Variants in PDE1C observed in about 807,000 individuals in gnomAD.
The protein encoded by PDE1C is dual specificity calcium/calmodulin-dependent 3',5'-cyclic nucleotide phosphodiesterase 1C.
A neutral mutation model predicts 93.1 loss-of-function variants in PDE1C; 62 were observed. The ratio of observed to expected loss-of-function variants is 0.67; its 90% CI spans 0.54 to 0.82. PDE1C has a LOEUF of 0.82. PDE1C is among the 40% of genes least tolerant of loss of function. The pLI is 0.00. For missense variants in PDE1C, 742 were observed against 884.6 expected (o/e 0.84, Z 2.04); for synonymous variants, 325 against 310.1 (o/e 1.05, Z -0.50).
chr7:32,258,741 T>C (rs1809986386), intron 1 of PDE1C, among the ~76,000 whole-genome samples: 1 of 152,228 alleles, frequency 6.6e-6, no homozygotes, highest in Non-Finnish European at 1.5e-5. Context: ...AACTTGATTT[T>C]GGTTAAGCTT....
intron 2 of PDE1C, among the ~76,000 whole-genome samples, chr7:31,934,356 T>C (rs1302716861): frequency 6.6e-6 from 1 of 152,206 alleles, no homozygotes; most frequent in Non-Finnish European, 1.5e-5. Context: ...TTCTTAGCCT[T>C]AGTTTATTAA....
chr7:32,239,747 C>T (rs964955644), intron 1 of PDE1C, among the ~76,000 whole-genome samples: 1 of 152,192 alleles, frequency 6.6e-6, no homozygotes, highest in Non-Finnish European at 1.5e-5. Flanking sequence ...AGAGCTCTGA[C>T]TATATTTGTA....
chr7:32,153,894 C>A (rs1240347733), intron 3 of PDE1C, among the ~76,000 whole-genome samples: 5 of 152,138 alleles, frequency 3.3e-5, no homozygotes, highest in Non-Finnish European at 5.9e-5. Flanking sequence ...TTTCCCCCCA[C>A]AACACACACA....
chr7:31,971,012 C>T (rs1810880651), intron 2 of PDE1C, among the ~76,000 whole-genome samples: 1 of 152,102 alleles, frequency 6.6e-6, no homozygotes, highest in Admixed American at 6.5e-5. Flanking sequence ...TGTGGTAGCA[C>T]ATGCCTGTAA....
intron 1 of PDE1C, among the ~76,000 whole-genome samples, chr7:32,259,871 T>C (rs1420697934): frequency 6.6e-6 from 1 of 152,120 alleles, no homozygotes; most frequent in Non-Finnish European, 1.5e-5. Flanking sequence ...CATTCACTTC[T>C]CAAAACCTCC....
intron 11 of PDE1C, among the ~76,000 whole-genome samples, chr7:31,834,548 T>C (rs745327109): frequency 2.5e-4 from 38 of 152,200 alleles, no homozygotes; most frequent in Admixed American, 9.8e-4. Context: ...GAGATCATTT[T>C]GGAGCTTTAA....
the PDE1C span, among the ~76,000 whole-genome samples, chr7:31,699,291 C>T: frequency 6.6e-6 from 1 of 152,116 alleles, no homozygotes; most frequent in Non-Finnish European, 1.5e-5. Context: ...CCCATCACAG[C>T]TCTTTTACCT....
the PDE1C span, among the ~76,000 whole-genome samples, chr7:31,667,191 G>C: frequency 1.3e-5 from 2 of 152,124 alleles, no homozygotes; most frequent in African/African-American, 4.8e-5. Context: ...TGACCTACCC[G>C]CCTATAGCTT....
chr7:31,970,819 T>C (rs1269000664), intron 2 of PDE1C, among the ~76,000 whole-genome samples: 1 of 152,294 alleles, frequency 6.6e-6, no homozygotes, highest in South Asian at 2.1e-4. Flanking sequence ...ATAATGTTTG[T>C]TTTCCATGTT....
At chr7:32,402,318 T>C (rs752081815) in intron 1 of PDE1C, among the ~76,000 whole-genome samples, 2 of 152,024 alleles carry the variant, frequency 1.3e-5, no homozygotes, top group Non-Finnish European at 2.9e-5. Context: ...ATAAGCTGCC[T>C]CTGCAAACTG....
In PDE1C at chr7:32,143,932, C is replaced by T. The variant is rs1445969710; in HGVS notation, c.308+25853G>A. Among the ~76,000 whole-genome samples, 5 of 152,146 alleles carry T rather than the reference C, an allele frequency of 3.3e-5. No individual in the cohort carries two copies. The South Asian group carries it at 8.3e-4, about 25-fold the overall frequency. ...TGTGTGACCCCACGCTACAAGAGCA[C>T]GCATTCTGCCCAGGTAGGGTGGGAA... On this transcript the variant is annotated intron_variant, in intron 3 of 18. Coordinates refer to the PDE1C transcript ENST00000396193.
intron 2 of PDE1C, among the ~76,000 whole-genome samples, chr7:32,203,058 T>C (rs979497365): frequency 6.6e-6 from 1 of 152,020 alleles, no homozygotes; most frequent in Non-Finnish European, 1.5e-5. Flanking sequence ...AGTTTGACTA[T>C]TTTGCTTGCC....
chr7:31,817,550 C>T (rs1788423825), intron 14 of PDE1C, among the ~76,000 whole-genome samples: 1 of 152,148 alleles, frequency 6.6e-6, no homozygotes, highest in Non-Finnish European at 1.5e-5. Flanking sequence ...AGACTCATCC[C>T]ATGCAGCGCT....
intron 2 of PDE1C, among the ~76,000 whole-genome samples, chr7:32,045,301 T>C (rs563490141): frequency 6.6e-6 from 1 of 152,104 alleles, no homozygotes; most frequent in African/African-American, 2.4e-5. Flanking sequence ...AGTCTCAGCA[T>C]CCATCTGTGA....
intron 1 of PDE1C, among the ~76,000 whole-genome samples, chr7:32,310,582 C>G (rs1303194121): frequency 1.3e-5 from 2 of 152,182 alleles, no homozygotes; most frequent in Non-Finnish European, 2.9e-5. Context: ...CAAACTAGAA[C>G]TGAGGACTAA....
At chr7:31,652,195 G>T in the PDE1C span, 1 of 741,636 alleles carries the variant, frequency 1.3e-6, no homozygotes, top group Middle Eastern at 3.7e-4. Flanking sequence ...GAAGTACTTT[G>T]GTTTGCTCAA....
chr7:32,093,963 A>G (rs1797613788), intron 3 of PDE1C, among the ~76,000 whole-genome samples: 1 of 152,166 alleles, frequency 6.6e-6, no homozygotes, highest in Non-Finnish European at 1.5e-5. Flanking sequence ...CCCAAAAGGG[A>G]GAGAAGGTTG....
intron 1 of PDE1C, among the ~76,000 whole-genome samples, chr7:32,355,146 C>T (rs1349097265): frequency 1.3e-5 from 2 of 152,192 alleles, no homozygotes; most frequent in East Asian, 1.9e-4. Context: ...ACCCACAAAG[C>T]AGTGCAGAAA....
At chr7:31,813,322 C>T (rs1429849388) in intron 15 of PDE1C, among the ~76,000 whole-genome samples, 3 of 152,092 alleles carry the variant, frequency 2.0e-5, no homozygotes, top group African/African-American at 7.2e-5. Flanking sequence ...AGACACACAC[C>T]TTTTCTGTCA....
Sources: gnomAD v4.1 joint callset for allele counts (sites outside exome capture counted in the v4.1 genomes callset) on GRCh38, gnomAD v4.1.1 for gene constraint, MANE v1.5 for transcripts, NCBI Gene and HGNC (gene_info 2026-07-23, HGNC 2026-07-21) for gene names.